The following SOS2 variants were observed in gnomAD, a reference collection of about 807,000 sequenced individuals.
The protein encoded by SOS2 is son of sevenless homolog 2.
A neutral mutation model predicts 148.2 loss-of-function variants in SOS2; 65 were observed. The observed-to-expected ratio is 0.44, with a 90% CI of 0.36 to 0.54. The LOEUF is 0.54. Ranked by LOEUF, SOS2 falls within the 20% of genes least tolerant of loss-of-function variation. The pLI is 0.00. For missense variants in SOS2, 1,341 were observed against 1,590.2 expected (o/e 0.84, Z 2.67); for synonymous variants, 539 against 537.1 (o/e 1.00, Z -0.05).
At chr14:50,209,274 C>CGCGTGTGTGTGTGTGTGTGTGT (rs1415473469) in intron 1 of SOS2, among the ~76,000 whole-genome samples, 2 of 118,276 alleles carry the variant, frequency 1.7e-5, no homozygotes, top group East Asian at 2.3e-4. Context: ...CCTTAAATGT[C>CGCGTGTGTGTGTGTGTGTGTGT]GTGTGTGTGT....
chr14:50,123,851 T>C (rs1883602374), intron 21 of SOS2, among the ~76,000 whole-genome samples: 1 of 152,032 alleles, frequency 6.6e-6, no homozygotes, highest in South Asian at 2.1e-4. Flanking sequence ...GTGGCAGCAG[T>C]GGAGATGGCA....
intron 1 of SOS2, among the ~76,000 whole-genome samples, chr14:50,213,938 C>T (rs917455829): frequency 4.0e-5 from 6 of 151,142 alleles, no homozygotes; most frequent in African/African-American, 9.7e-5. Context: ...CCTTACCCTC[C>T]GTGGTAGGAA....
At chr14:50,152,825 C>T (rs1411788819) in intron 13 of SOS2, among the ~76,000 whole-genome samples, 2 of 151,902 alleles carry the variant, frequency 1.3e-5, no homozygotes, top group Non-Finnish European at 2.9e-5. Context: ...ATTAGCCAGG[C>T]GTGATGTCAT....
At chr14:50,188,348 G>C (rs1885993197) in intron 5 of SOS2, 149 bp downstream of exon 5, 3 of 576,690 alleles carry the variant, frequency 5.2e-6, no homozygotes, top group African/African-American at 3.9e-5. Context: ...GGCTGCAGTG[G>C]TGCGAGCTGA....
intron 7 of SOS2, among the ~76,000 whole-genome samples, chr14:50,179,227 A>G (rs1885642432): frequency 6.6e-6 from 1 of 152,194 alleles, no homozygotes; most frequent in Non-Finnish European, 1.5e-5. Context: ...AATTGGCTGC[A>G]AAGAAAAAAT....
chr14:50,181,615 T>C (rs757849477), intron 6 of SOS2, among the ~76,000 whole-genome samples: 36 of 152,000 alleles, frequency 2.4e-4, no homozygotes, highest in Non-Finnish European at 3.5e-4. Context: ...TACTTAAAAA[T>C]TGTGTTGAAG....
intron 1 of SOS2, among the ~76,000 whole-genome samples, chr14:50,204,890 C>CT (rs1312862319): frequency 1.3e-3 from 70 of 53,612 alleles, no homozygotes; most frequent in East Asian, 5.9e-3. Flanking sequence ...ACCTTTTTTT[C>CT]TTTTTTTTTC....
intron 1 of SOS2, among the ~76,000 whole-genome samples, chr14:50,228,274 A>G (rs1887440767): frequency 6.6e-6 from 1 of 151,512 alleles, no homozygotes; most frequent in Non-Finnish European, 1.5e-5. Flanking sequence ...GAACTCCTAA[A>G]CTCAGTTGAT....
intron 1 of SOS2, among the ~76,000 whole-genome samples, chr14:50,227,978 C>A (rs1250668273): frequency 1.3e-5 from 2 of 151,934 alleles, no homozygotes; most frequent in Non-Finnish European, 2.9e-5. Context: ...TTATTAATTT[C>A]TACTGACTAT....
rs754089853 is a variant in SOS2, at chr14:50,231,218, C to A, written c.66G>T (p.Leu22=). Residue 22 remains leucine (L), a synonymous_variant, in exon 1 of 23, where the codon CTG becomes CTT. Coordinates refer to ENST00000216373, the MANE Select transcript of SOS2 (RefSeq NM_006939.4). ...TGACCTTCCGCAGGGCCGAGACCAA[C>A]AGTCCCCGCCATTTCGGACTGTTCT... ...SEENSPKWRG[L]LVSALRKVQE... 2 of 1,500,560 alleles carry A rather than the reference C, an allele frequency of 1.3e-6. No homozygotes were observed. Among genetic ancestry groups the A allele is most frequent in the Non-Finnish European group, 1.8e-6 (2 of 1,112,046 alleles). The allele number at this position is 1,500,560 out of a possible 1,614,324, so 93.0% of individuals were successfully genotyped here. A position where few individuals can be genotyped will look rare whatever the true frequency, so the allele number is the denominator to read the frequency against.
intron 7 of SOS2, among the ~76,000 whole-genome samples, chr14:50,178,389 G>A (rs919172021): frequency 5.3e-5 from 8 of 152,036 alleles, no homozygotes; most frequent in Admixed American, 2.0e-4. Flanking sequence ...CTCCCCAGCC[G>A]TGCTTCCTGT....
At chr14:50,207,064 G>T (rs749334445) in intron 1 of SOS2, among the ~76,000 whole-genome samples, 2 of 152,004 alleles carry the variant, frequency 1.3e-5, no homozygotes, top group Non-Finnish European at 2.9e-5. Context: ...CCATTATATG[G>T]GTCTACCTGG....
intron 14 of SOS2, among the ~76,000 whole-genome samples, chr14:50,147,281 G>A (rs1334362622): frequency 1.3e-5 from 2 of 151,920 alleles, no homozygotes; most frequent in Non-Finnish European, 2.9e-5. Context: ...AGGTTGAGGT[G>A]GGAGGACAAC....
rs117705657 is a variant in SOS2, at chr14:50,119,513, C to A, written c.3490-660G>T. Among the ~76,000 whole-genome samples the A allele has an allele frequency of 5.5e-3, 835 of 152,210 alleles. 40 individuals carry two copies. In the East Asian group the frequency reaches 0.1, roughly 19 times the overall value. On this transcript the variant is annotated intron_variant, in intron 22 of 22. Transcript: ENST00000216373. ...TACCAGAAAGAAAATGTACTTCCAG[C>A]CTCTTTTTTATTTTTTTATTTTTAT...
intron 4 of SOS2, among the ~76,000 whole-genome samples, chr14:50,189,061 TCACACACACACA>T (rs10599812): frequency 2.5e-4 from 32 of 128,776 alleles, no homozygotes; most frequent in East Asian, 8.7e-4. Context: ...CGAGACTCCA[TCACACACACACA>T]CACACACACA....
intron 4 of SOS2, among the ~76,000 whole-genome samples, chr14:50,193,611 A>G (rs1212699310): frequency 6.6e-6 from 1 of 152,156 alleles, no homozygotes; most frequent in East Asian, 1.9e-4. Flanking sequence ...CATATATTCA[A>G]ATAATTTATT....
intron 8 of SOS2, among the ~76,000 whole-genome samples, chr14:50,171,007 G>A (rs138448282): frequency 7.2e-5 from 11 of 151,744 alleles, no homozygotes; most frequent in South Asian, 4.2e-4. Flanking sequence ...CCAGCTACTC[G>A]GGAAGCTGAG....
intron 8 of SOS2, among the ~76,000 whole-genome samples, chr14:50,162,377 C>T (rs1026299345): frequency 6.6e-6 from 1 of 151,516 alleles, no homozygotes; most frequent in Admixed American, 6.6e-5. Context: ...AAGCTATCCT[C>T]CCATCTCTGC....
chr14:50,138,404 G>A (rs532499460), intron 18 of SOS2, among the ~76,000 whole-genome samples: 2 of 150,780 alleles, frequency 1.3e-5, no homozygotes, highest in African/African-American at 4.9e-5. Flanking sequence ...CAAGCGATCC[G>A]CCCGCCTTGG....
Sources: gnomAD v4.1 joint callset for allele counts (sites outside exome capture counted in the v4.1 genomes callset) on GRCh38, gnomAD v4.1.1 for gene constraint, MANE v1.5 for transcripts, NCBI Gene and HGNC (gene_info 2026-07-23, HGNC 2026-07-21) for gene names.